Variants in RAD51 observed in about 807,000 individuals in gnomAD.
The protein encoded by RAD51 is DNA repair protein RAD51 homolog 1.
Under a neutral mutation model 41.5 loss-of-function variants are expected in RAD51, and 14 were observed. That is an observed-to-expected ratio of 0.34 (90% CI 0.22 to 0.53). The LOEUF (loss-of-function observed/expected upper bound fraction) is 0.53. RAD51 is among the 20% of genes least tolerant of loss of function. RAD51 has a pLI of 0.95. For missense variants in RAD51, 234 were observed against 422.0 expected (o/e 0.55, Z 3.90); for synonymous variants, 136 against 148.6 (o/e 0.92, Z 0.62).
At chr15:40,708,408 A>G (rs1431535229) in intron 4 of RAD51, among the ~76,000 whole-genome samples, 2 of 151,480 alleles carry the variant, frequency 1.3e-5, no homozygotes, top group East Asian at 2.0e-4. Context: ...TTGTATTTTT[A>G]GTAGACATGA....
At chr15:40,700,954 G>T in intron 2 of RAD51, 110 bp from the exon 3 acceptor site, 1 of 1,100,524 alleles carries the variant, frequency 9.1e-7, no homozygotes. Flanking sequence ...TCAAGGGACA[G>T]TTGTATTACA....
chr15:40,719,057 C>T (rs1342369453), intron 6 of RAD51, among the ~76,000 whole-genome samples, 158 bp downstream of exon 6: 4 of 144,840 alleles, frequency 2.8e-5, no homozygotes, highest in Admixed American at 7.0e-5. Flanking sequence ...AAAAGGCATT[C>T]TTTTTTTTTT....
chr15:40,724,088 T>G (rs932548355), intron 6 of RAD51, among the ~76,000 whole-genome samples: 18 of 152,232 alleles, frequency 1.2e-4, no homozygotes, highest in African/African-American at 4.3e-4. Flanking sequence ...ATTTGAGAAC[T>G]GCAACCTATT....
At chr15:40,721,262 G>C (rs1475487655) in intron 6 of RAD51, among the ~76,000 whole-genome samples, 1 of 151,986 alleles carries the variant, frequency 6.6e-6, no homozygotes, top group Non-Finnish European at 1.5e-5. Flanking sequence ...TTTTTTTGCA[G>C]AAATTTACAA....
intron 4 of RAD51, among the ~76,000 whole-genome samples, chr15:40,708,739 T>C (rs1428382397): frequency 1.3e-5 from 2 of 150,928 alleles, no homozygotes; most frequent in Non-Finnish European, 3.0e-5. Context: ...TCCGCCACCA[T>C]GCCCGGCTAA....
chr15:40,695,753 C>T (rs1263141999), intron 1 of RAD51: 1 of 152,254 alleles, frequency 6.6e-6, no homozygotes, highest in African/African-American at 2.4e-5. Context: ...CCTGATCTGT[C>T]TTTCCATTAC....
intron 5 of RAD51, among the ~76,000 whole-genome samples, chr15:40,709,913 A>C (rs988681105): frequency 6.6e-6 from 1 of 152,020 alleles, no homozygotes; most frequent in African/African-American, 2.4e-5. Context: ...CTGTAATCCC[A>C]GTACTTTGGG....
intron 6 of RAD51, among the ~76,000 whole-genome samples, chr15:40,728,215 G>A (rs1896687684): frequency 6.6e-6 from 1 of 152,184 alleles, no homozygotes; most frequent in African/African-American, 2.4e-5. Flanking sequence ...TGTAGTCCCA[G>A]TATTTTGGGA....
At chr15:40,716,428 A>G (rs1397394781) in intron 5 of RAD51, among the ~76,000 whole-genome samples, 1 of 151,672 alleles carries the variant, frequency 6.6e-6, no homozygotes, top group Non-Finnish European at 1.5e-5. Flanking sequence ...GTGCAGTGGC[A>G]TGATATCGCT....
At chr15:40,708,545 T>C (rs1409397694) in intron 4 of RAD51, among the ~76,000 whole-genome samples, 2 of 151,572 alleles carry the variant, frequency 1.3e-5, no homozygotes, top group Non-Finnish European at 2.9e-5. Context: ...CAGCTATCTA[T>C]AAATCTAATT....
intron 6 of RAD51, among the ~76,000 whole-genome samples, chr15:40,724,131 G>A (rs1035527099): frequency 2.6e-5 from 4 of 152,132 alleles, no homozygotes; most frequent in African/African-American, 9.7e-5. Flanking sequence ...AAATTAGGTT[G>A]GAATGGTAAT....
chr15:40,717,366 TCTC>T (rs1396369788), intron 5 of RAD51, among the ~76,000 whole-genome samples: 25 of 152,038 alleles, frequency 1.6e-4, no homozygotes, highest in Non-Finnish European at 2.9e-5. Flanking sequence ...AAAATTTGGT[TCTC>T]CTAGGCCTTT....
intron 4 of RAD51, among the ~76,000 whole-genome samples, chr15:40,707,132 T>C (rs902506102): frequency 6.9e-6 from 1 of 145,538 alleles, no homozygotes; most frequent in African/African-American, 2.5e-5. Context: ...AGGACTATGA[T>C]CATTTACCAC....
rs763034071 is a variant in RAD51 at position 40,701,141 on chromosome 15, G to T, written c.165G>T (p.Ala55=). 10 of 1,614,046 alleles carry T rather than the reference G, an allele frequency of 6.2e-6. No individual in the cohort carries two copies. The highest frequency in any genetic ancestry group is 2.7e-5 in the African/African-American group (2 of 74,920). The change falls in exon 3 of 10, where the codon GCG becomes GCT. Residue 55 remains alanine, a synonymous_variant. Coordinates refer to ENST00000267868, the MANE Select transcript of RAD51 (RefSeq NM_002875.5). ...ATACTGTGGAGGCTGTTGCCTATGC[G>T]CCAAAGAAGGAGCTAATAAATATTA... ...GFHTVEAVAY[A]PKKELINIKG... is the part of the protein sequence containing the mutation.
intron 9 of RAD51, 151 bp downstream of exon 9, chr15:40,730,125 G>A: frequency 8.6e-7 from 1 of 1,168,050 alleles, no homozygotes; most frequent in Non-Finnish European, 1.2e-6. Context: ...TGCTCTCGTT[G>A]GTATAGATGT....
chr15:40,724,889 ATTTTTTTTTTT>A (rs34086110), intron 6 of RAD51, among the ~76,000 whole-genome samples: 3 of 55,408 alleles, frequency 5.4e-5, no homozygotes, highest in African/African-American at 1.7e-4. Context: ...ATTTTTTTTA[ATTTTTTTTTTT>A]TTTTTTTTTT....
intron 2 of RAD51, 126 bp from the exon 3 acceptor site, chr15:40,700,938 A>AGGCTTTGATGGGGCAGGT: frequency 1.2e-6 from 1 of 852,318 alleles, no homozygotes; most frequent in Non-Finnish European, 1.7e-6. Flanking sequence ...CGCCCCCCCA[A>AGGCTTTGATGGGGCAGGT]GGATTTCAAG....
intron 5 of RAD51, among the ~76,000 whole-genome samples, chr15:40,710,187 A>G (rs1415328615): frequency 1.5e-5 from 2 of 132,142 alleles, no homozygotes; most frequent in Non-Finnish European, 3.1e-5. Context: ...GCTTGCAGTG[A>G]GCCGAGATTG....
intron 6 of RAD51, among the ~76,000 whole-genome samples, chr15:40,722,267 G>T (rs1414008967): frequency 6.6e-6 from 1 of 152,038 alleles, no homozygotes; most frequent in East Asian, 1.9e-4. Context: ...CAAAAAATTA[G>T]CCAGGTGTGG....
Sources: allele counts gnomAD v4.1 joint callset (sites outside exome capture counted in the v4.1 genomes callset), GRCh38; gene constraint gnomAD v4.1.1; transcripts MANE v1.5; gene names NCBI Gene and HGNC (gene_info 2026-07-23, HGNC 2026-07-21).